Variants in ASIC2 observed in about 807,000 individuals in gnomAD.
ASIC2 encodes acid-sensing ion channel 2.
Under a neutral mutation model 57.3 loss-of-function variants are expected in ASIC2, and 25 were observed. The observed-to-expected ratio is 0.44, with a 90% CI of 0.32 to 0.61. The LOEUF is 0.61. Ranked by LOEUF, ASIC2 falls within the 20% of genes least tolerant of loss-of-function variation. The pLI is 0.06. For synonymous variants in ASIC2, 319 were observed against 307.5 expected (o/e 1.04, Z -0.39); for missense variants, 641 against 738.1 (o/e 0.87, Z 1.52).
Position 33,100,616 on chromosome 17 carries a change from C to A in ASIC2, c.859+11301G>T, listed in dbSNP as rs575119663. Among the ~76,000 whole-genome samples the A allele has an allele frequency of 5.3e-5, 8 of 152,334 alleles. No homozygotes were observed. In the South Asian group the frequency reaches 6.2e-4, roughly 12 times the overall value. On this transcript the variant is annotated intron_variant, in intron 2 of 9. Transcript: ENST00000225823. ...GCAAATGCTTGGCACTCCTTGGACA[C>A]TTTATATGAAAGTTGTTGGGTGAAT...
intron 1 of ASIC2, among the ~76,000 whole-genome samples, chr17:33,958,770 T>C (rs1904826081): frequency 6.6e-6 from 1 of 152,180 alleles, no homozygotes; most frequent in African/African-American, 2.4e-5. Context: ...AACATTTGGC[T>C]CCTCATTACT....
At chr17:33,983,255 C>T (rs1354031731) in intron 1 of ASIC2, among the ~76,000 whole-genome samples, 1 of 152,174 alleles carries the variant, frequency 6.6e-6, no homozygotes, top group Non-Finnish European at 1.5e-5. Context: ...GGAAAAAGCA[C>T]TAAGAAAAGA....
At chr17:33,665,629 T>G (rs1441840825) in intron 1 of ASIC2, among the ~76,000 whole-genome samples, 1 of 152,226 alleles carries the variant, frequency 6.6e-6, no homozygotes. Context: ...TGCTTAAGTG[T>G]GCTCTCAGAA....
chr17:33,861,957 C>T (rs1914112309), intron 1 of ASIC2, among the ~76,000 whole-genome samples: 1 of 152,204 alleles, frequency 6.6e-6, no homozygotes, highest in African/African-American at 2.4e-5. Flanking sequence ...TACCAGCATG[C>T]CTCCACCTTT....
At position 33,784,302 on chromosome 17, in the gene ASIC2, G is replaced by A. The variant is rs143023562; in HGVS notation, c.555+371676C>T. On this transcript the variant is annotated intron_variant, in intron 1 of 9. Coordinates refer to the ASIC2 transcript ENST00000359872. ...AGTTCTGGCAATGCCTGGCATGTAC[G>A]CGGAAATACAAACTCTTAAACTTAC... 1.5e-4 allele frequency among the ~76,000 whole-genome samples: 23 copies of A among 152,264 alleles called. No homozygotes were observed. In the East Asian group the frequency reaches 2.3e-3, roughly 15 times the overall value.
At chr17:33,967,247 T>TGAGA (rs59723667) in intron 1 of ASIC2, among the ~76,000 whole-genome samples, 7 of 151,598 alleles carry the variant, frequency 4.6e-5, no homozygotes, top group Non-Finnish European at 1.5e-5. Flanking sequence ...TCTTTTTTTC[T>TGAGA]GAGAGAGAGA....
chr17:33,292,188 C>G lies in ASIC2; in HGVS notation c.-73G>C. The G allele has an allele frequency of 9.9e-7, 1 of 1,011,542 alleles. No homozygotes were observed. The highest frequency in any genetic ancestry group is 1.2e-6 in the Non-Finnish European group (1 of 849,228). 62.7% of individuals were successfully genotyped at this position (1,011,542 alleles called of 1,614,324 possible). A position where few individuals can be genotyped will look rare whatever the true frequency, so the allele number is the denominator to read the frequency against. ...GAGCCGCCATGGGAGTCCGCAGCAG[C>G]AGTGGAAGCAGCAGCAGCGGCAGCC... is the stretch of plus-strand genomic sequence containing the variant. On this transcript the variant is annotated 5_prime_UTR_variant, in exon 1 of 10. Coordinates refer to ENST00000225823, the MANE Select transcript of ASIC2 (RefSeq NM_183377.2).
At chr17:33,289,376 T>C (rs537868691) in intron 1 of ASIC2, among the ~76,000 whole-genome samples, 1 of 152,290 alleles carries the variant, frequency 6.6e-6, no homozygotes, top group East Asian at 1.9e-4. Flanking sequence ...AGGTGGCTCC[T>C]GAAGGGACTG....
intron 1 of ASIC2, among the ~76,000 whole-genome samples, chr17:33,706,212 T>C (rs913238044): frequency 2.1e-5 from 2 of 97,094 alleles, no homozygotes; most frequent in Admixed American, 1.9e-4. Flanking sequence ...TTCATATATA[T>C]ATATATATAT....
At chr17:34,096,356 A>T (rs780933033) in intron 1 of ASIC2, among the ~76,000 whole-genome samples, 15 of 152,206 alleles carry the variant, frequency 9.9e-5, no homozygotes, top group Non-Finnish European at 2.1e-4. Context: ...CATTAAAGTA[A>T]CCACAAGAAG....
At chr17:33,734,684 A>G (rs1015344181) in intron 1 of ASIC2, among the ~76,000 whole-genome samples, 1 of 152,178 alleles carries the variant, frequency 6.6e-6, no homozygotes, top group African/African-American at 2.4e-5. Context: ...CCCCAATCCA[A>G]TAAGACTGGT....
chr17:33,144,837 A>T (rs73982434), intron 1 of ASIC2, among the ~76,000 whole-genome samples: 1,768 of 152,026 alleles, frequency 0.012, 38 homozygotes, highest in African/African-American at 0.04. Flanking sequence ...CTTCCAGAAA[A>T]CTCACTCTCC....
At chr17:33,182,645 C>A (rs1005490354) in intron 1 of ASIC2, among the ~76,000 whole-genome samples, 1 of 152,176 alleles carries the variant, frequency 6.6e-6, no homozygotes, top group Non-Finnish European at 1.5e-5. Context: ...CTCTCTCTAT[C>A]ATAATGGACA....
At chr17:33,351,757 G>A (rs566504975) in intron 1 of ASIC2, among the ~76,000 whole-genome samples, 4 of 152,172 alleles carry the variant, frequency 2.6e-5, no homozygotes, top group African/African-American at 9.7e-5. Context: ...AGCACCCTGT[G>A]TTTATGATTC....
chr17:33,545,889 A>G (rs1213781269), intron 1 of ASIC2, among the ~76,000 whole-genome samples: 2 of 151,978 alleles, frequency 1.3e-5, no homozygotes, highest in Non-Finnish European at 2.9e-5. Flanking sequence ...ATTCTCCACC[A>G]TTTCCCACTC....
intron 1 of ASIC2, among the ~76,000 whole-genome samples, chr17:33,773,992 C>T (rs1911193506): frequency 6.6e-6 from 1 of 152,046 alleles, no homozygotes; most frequent in South Asian, 2.1e-4. Flanking sequence ...TCTCGACCTT[C>T]CTGGGAAGTA....
At chr17:33,811,258 C>T (rs1421003708) in intron 1 of ASIC2, among the ~76,000 whole-genome samples, 1 of 152,206 alleles carries the variant, frequency 6.6e-6, no homozygotes, top group Non-Finnish European at 1.5e-5. Context: ...CTCTTCATTT[C>T]ACATTTGGAG....
intron 1 of ASIC2, among the ~76,000 whole-genome samples, chr17:34,092,809 C>T (rs1464069374): frequency 6.6e-6 from 1 of 152,214 alleles, no homozygotes; most frequent in Non-Finnish European, 1.5e-5. Context: ...CTCTCCCCAT[C>T]CTTCAGAAAT....
rs1425898816 is a variant in ASIC2 at position 34,154,458 on chromosome 17, G to C, written c.555+1520C>G. On this transcript the variant is annotated intron_variant, in intron 1 of 9. Transcript: ENST00000359872. ...GTGCTCTTCCTCACAAGGCTTAAAA[G>C]GGATAATACAAAACAGCTCCTCCAA... Among the ~76,000 whole-genome samples, 15 of 152,184 alleles carry C rather than the reference G, an allele frequency of 9.9e-5. 1 individual carries two copies. The highest frequency in any genetic ancestry group is 9.8e-4 in the Admixed American group (15 of 15,280).
Sources: allele counts gnomAD v4.1 joint callset (sites outside exome capture counted in the v4.1 genomes callset), GRCh38; gene constraint gnomAD v4.1.1; transcripts MANE v1.5; gene names NCBI Gene and HGNC (gene_info 2026-07-23, HGNC 2026-07-21).